Variants in TKT observed in about 807,000 individuals in gnomAD.
TKT encodes transketolase, also known as epididymis luminal protein 107.
Under a neutral mutation model 63.9 loss-of-function variants are expected in TKT, and 47 were observed. That is an observed-to-expected ratio of 0.74 (90% CI 0.58 to 0.94). The LOEUF (loss-of-function observed/expected upper bound fraction) is 0.94, where lower values mean the gene tolerates loss of function less well. Ranked by LOEUF, TKT falls within the 40% of genes least tolerant of loss-of-function variation. The pLI, the probability that TKT is intolerant of heterozygous loss-of-function variation, is 0.00. For synonymous variants in TKT, 338 were observed against 334.1 expected, an observed-to-expected ratio of 1.01 and a Z score of -0.13; for missense variants, 721 against 846.2, an observed-to-expected ratio of 0.85 and a Z score of 1.84.
Position 53,225,794 on chromosome 3 carries a change from T to C in TKT, c.1834A>G (p.Ile612Val). 2 of 1,614,034 alleles carry C rather than the reference T, an allele frequency of 1.2e-6. No homozygotes were observed. Among genetic ancestry groups the C allele is most frequent in the Non-Finnish European group, 1.7e-6 (2 of 1,179,930 alleles). Residue 612 changes from isoleucine (I) to valine (V), a missense_variant, in exon 14 of 14, where the codon ATT (isoleucine) becomes GTT (valine). Physicochemically the swap from Ile to Val is conservative, Grantham distance 29. Transcript: ENST00000462138. ...ATGAGGCCCCTCACAGCTTGTGCAA[T>C]GGCATCCCTGTCGATACCAAACATC... ...LKMFGIDRDAIAQAVRGLITK... is the reference protein window; with the variant it reads ...LKMFGIDRDAVAQAVRGLITK...
rs782431137 is a variant in TKT at position 53,255,870 on chromosome 3, T to C, written c.73A>G (p.Ser25Gly). The C allele has an allele frequency of 4.1e-5, 63 of 1,548,876 alleles. No individual in the cohort carries two copies. Among genetic ancestry groups the C allele is most frequent in the Non-Finnish European group, 5.0e-5 (57 of 1,148,508 alleles). The change falls in exon 1 of 14, where the codon AGC becomes GGC. Residue 25 changes from serine to glycine, a missense_variant. Transcript: ENST00000462138. Reference protein sequence around the residue: ...LKDTANRLRISSIQATTAAGS... With the variant: ...LKDTANRLRIGSIQATTAAGS... ...GCCGCAGTGGTGGCCTGGATGGAGC[T>C]GATACGTAGGCGGTTGGCCGTGTCC...
chr3:53,243,450 C>T (rs1362914018), intron 1 of TKT: 1 of 385,720 alleles, frequency 2.6e-6, no homozygotes, highest in African/African-American at 2.1e-5. Flanking sequence ...CCTCCCGCCC[C>T]TCCAATCAGC....
At chr3:53,237,349 C>A (rs1375897391) in intron 4 of TKT, among the ~76,000 whole-genome samples, 1 of 151,944 alleles carries the variant, frequency 6.6e-6, no homozygotes, top group Non-Finnish European at 1.5e-5. Context: ...GATGGCACCA[C>A]TGCACTCCAG....
Position 53,225,750 on chromosome 3 carries a change from C to A in TKT, c.*6G>T. 1 of 1,604,832 alleles carries A rather than the reference C, an allele frequency of 6.2e-7. No homozygotes were observed. Among genetic ancestry groups the A allele is most frequent in the South Asian group, 1.1e-5 (1 of 89,664 alleles). On this transcript the variant is annotated 3_prime_UTR_variant, in exon 14 of 14. Coordinates refer to ENST00000462138, the MANE Select transcript of TKT (RefSeq NM_001064.4). ...ATAGACCCCCGCCCCACACTTCATA[C>A]CCGCCCTAGGCCTTGGTGATGAGGC...
At chr3:53,241,478 G>A (rs1553679859) in intron 2 of TKT, among the ~76,000 whole-genome samples, 1 of 152,266 alleles carries the variant, frequency 6.6e-6, no homozygotes, top group Admixed American at 6.5e-5. Flanking sequence ...AGGTGCAGGG[G>A]GCACAGCTGT....
chr3:53,248,340 C>T (rs1267662562), intron 1 of TKT, among the ~76,000 whole-genome samples: 2 of 152,094 alleles, frequency 1.3e-5, no homozygotes, highest in Admixed American at 6.6e-5. Context: ...AATATTCAGC[C>T]GTAAAAAGAA....
intron 12 of TKT, chr3:53,227,166 T>C: frequency 3.0e-6 from 1 of 332,302 alleles, no homozygotes; most frequent in South Asian, 4.6e-5. Context: ...CCCACAACCT[T>C]GAAGACAAAG....
chr3:53,242,683 C>G (rs1705334949), intron 1 of TKT, among the ~76,000 whole-genome samples: 1 of 152,152 alleles, frequency 6.6e-6, no homozygotes, highest in Non-Finnish European at 1.5e-5. Context: ...CCAAGGGGTG[C>G]CGGCATTCCT....
chr3:53,233,111 C>A, intron 6 of TKT, 45 bp downstream of exon 6: 1 of 1,551,752 alleles, frequency 6.4e-7, no homozygotes, highest in South Asian at 1.1e-5. Flanking sequence ...GCCACAGTGT[C>A]TGGGCGAGGG....
At position 53,240,319 on chromosome 3, in the gene TKT, G is replaced by C. The variant is rs781915558; in HGVS notation, c.369C>G (p.Gly123=). The stretch of plus-strand genomic sequence containing the variant: ...CGGCCCCGAGGCCCTGGCCCAGGGA[G>C]CCAGTGGCCACGTCGGTGAAAGCTT... The part of the protein sequence containing the change: ...PKQAFTDVAT[G]SLGQGLGAAC... The change falls in exon 4 of 14, where the codon GGC becomes GGG. Residue 123 remains glycine (G), a synonymous_variant. Transcript: ENST00000462138. 6.2e-7 allele frequency: 1 copy of C among 1,613,044 alleles called. No homozygotes were observed. The highest frequency in any genetic ancestry group is 1.1e-5 in the South Asian group (1 of 90,974).
At chr3:53,241,373 A>T in intron 2 of TKT, 128 bp from the exon 3 acceptor site, 1 of 735,370 alleles carries the variant, frequency 1.4e-6, no homozygotes. Flanking sequence ...CAGGGGAGGA[A>T]GCAAGTGAAG....
intron 1 of TKT, among the ~76,000 whole-genome samples, chr3:53,243,150 C>G (rs1300254131): frequency 1.3e-5 from 2 of 152,088 alleles, no homozygotes; most frequent in Non-Finnish European, 2.9e-5. Flanking sequence ...GCTTTTTAGA[C>G]TTGTTTTAAT....
intron 8 of TKT, 108 bp from the exon 9 acceptor site, chr3:53,229,544 T>C: frequency 7.9e-7 from 1 of 1,261,112 alleles, no homozygotes; most frequent in Non-Finnish European, 1.1e-6. Context: ...AGATTGTCCA[T>C]CCTTTCTGGG....
At chr3:53,250,403 C>T (rs10433617) in intron 1 of TKT, among the ~76,000 whole-genome samples, 27,986 of 152,062 alleles carry the variant, frequency 0.18, 2,855 homozygotes, top group Middle Eastern at 0.28. Context: ...CAACAGCGGG[C>T]GGTGGGACCC....
In TKT at chr3:53,239,391, C is replaced by A. The variant is rs182615363; in HGVS notation, c.437+860G>T. Among the ~76,000 whole-genome samples, 149 of 152,224 alleles carry A rather than the reference C, an allele frequency of 9.8e-4. 2 individuals are homozygous for A. Among genetic ancestry groups the A allele is most frequent in the Middle Eastern group, 6.8e-3 (2 of 294 alleles). ...TGGCTCAATCATGTATAGCTATAAT[C>A]TTGAAGCCCTAGGCTCAAGTGATCC... On this transcript the variant is annotated intron_variant, in intron 4 of 13. Coordinates refer to ENST00000462138, the MANE Select transcript of TKT (RefSeq NM_001064.4).
At chr3:53,236,855 G>A (rs1218186990) in intron 4 of TKT, among the ~76,000 whole-genome samples, 1 of 152,236 alleles carries the variant, frequency 6.6e-6, no homozygotes, top group African/African-American at 2.4e-5. Flanking sequence ...GAACAGGGAA[G>A]GGGCCTACAG....
chr3:53,255,707 G>T, intron 1 of TKT, 129 bp downstream of exon 1: 1 of 527,584 alleles, frequency 1.9e-6, no homozygotes, highest in South Asian at 8.4e-5. Flanking sequence ...TCCGCCCTCC[G>T]ACGGCGCCCG....
chr3:53,232,369 G>A, intron 6 of TKT: 1 of 398,840 alleles, frequency 2.5e-6, no homozygotes, highest in Admixed American at 4.4e-5. Flanking sequence ...CCCCCACTCA[G>A]AACATCCTCA....
chr3:53,246,580 C>A (rs528189614), intron 1 of TKT, among the ~76,000 whole-genome samples: 1 of 152,102 alleles, frequency 6.6e-6, no homozygotes, highest in Non-Finnish European at 1.5e-5. Context: ...AGGCCAGGTG[C>A]GGTGGCTCAA....
Sources: gnomAD v4.1 joint callset for allele counts (sites outside exome capture counted in the v4.1 genomes callset) on GRCh38, gnomAD v4.1.1 for gene constraint, MANE v1.5 for transcripts, NCBI Gene and HGNC (gene_info 2026-07-23, HGNC 2026-07-21) for gene names.